The following ASCC3 variants were observed in gnomAD, a reference collection of about 807,000 sequenced individuals.
ASCC3 encodes the protein activating signal cointegrator 1 complex subunit 3.
In ASCC3, 158 loss-of-function variants were observed where a neutral mutation model predicts 256.3. The ratio of observed to expected loss-of-function variants is 0.62; its 90% CI spans 0.54 to 0.70. The LOEUF is 0.70. ASCC3 is among the 30% of genes least tolerant of loss of function. The pLI is 0.00. For missense variants in ASCC3, 2,259 were observed against 2,626.0 expected (o/e 0.86, Z 3.05); for synonymous variants, 948 against 883.4 (o/e 1.07, Z -1.30).
chr6:100,679,020 A>G (rs531918739), intron 14 of ASCC3, among the ~76,000 whole-genome samples: 1 of 152,314 alleles, frequency 6.6e-6, no homozygotes, highest in East Asian at 1.9e-4. Flanking sequence ...CTTAAACTGT[A>G]ATGTATACAA....
At chr6:100,717,154 T>C (rs1779123762) in intron 12 of ASCC3, among the ~76,000 whole-genome samples, 2 of 151,932 alleles carry the variant, frequency 1.3e-5, no homozygotes, top group South Asian at 4.1e-4. Context: ...CTAACATTCA[T>C]GCAATGCAGT....
intron 4 of ASCC3, among the ~76,000 whole-genome samples, chr6:100,816,235 T>C (rs1770739088): frequency 6.6e-6 from 1 of 151,982 alleles, no homozygotes; most frequent in Non-Finnish European, 1.5e-5. Context: ...TCAGAATGGC[T>C]ATTACTAAAA....
At chr6:100,784,863 G>C (rs1227483365) in intron 8 of ASCC3, among the ~76,000 whole-genome samples, 2 of 151,914 alleles carry the variant, frequency 1.3e-5, no homozygotes, top group African/African-American at 4.8e-5. Flanking sequence ...TTGACTTCAT[G>C]TATTAAAACA....
At position 100,864,131 on chromosome 6, in the gene ASCC3, C is replaced by T; in HGVS notation, c.174G>A (p.Leu58=). The T allele has an allele frequency of 6.2e-7, 1 of 1,606,246 alleles. No homozygotes were observed. Residue 58 remains leucine, a synonymous_variant, in exon 3 of 42, where the codon CTG becomes CTA. Coordinates refer to ENST00000369162, the MANE Select transcript of ASCC3 (RefSeq NM_006828.4). ...TTATACTTTGCATTTTACTCTTCTC[C>T]AGTTTTTCATTCAAAAATTTTATTA... is the stretch of plus-strand genomic sequence containing the variant. The part of the protein sequence containing the change: ...KKIIKFLNEK[L]EKSKMQSINE...
intron 20 of ASCC3, among the ~76,000 whole-genome samples, chr6:100,648,661 A>G (rs1775506809): frequency 6.6e-6 from 1 of 151,960 alleles, no homozygotes; most frequent in Non-Finnish European, 1.5e-5. Flanking sequence ...AGAGAATAAT[A>G]AATAAAATTT....
chr6:100,729,646 T>C (rs1401308345), intron 10 of ASCC3, among the ~76,000 whole-genome samples: 1 of 152,194 alleles, frequency 6.6e-6, no homozygotes, highest in Non-Finnish European at 1.5e-5. Flanking sequence ...GTTATACAAG[T>C]CATATTGATA....
At position 100,869,902 on chromosome 6, in the gene ASCC3, G is replaced by A. The variant is rs372964967; in HGVS notation, c.-41-1864C>T. ...GCTTCAAAACAAAAGGTATTAGGAA[G>A]GGATTAAAAAAAACCTCTCTACATA... On this transcript the variant is annotated intron_variant, in intron 1 of 41. Transcript: ENST00000369162. Among the ~76,000 whole-genome samples, 4 of 151,704 alleles carry A rather than the reference G, an allele frequency of 2.6e-5. No homozygotes were observed. In the East Asian group the frequency reaches 5.8e-4, roughly 22 times the overall value.
intron 10 of ASCC3, among the ~76,000 whole-genome samples, chr6:100,736,086 T>G (rs1056943602): frequency 6.6e-6 from 1 of 152,204 alleles, no homozygotes; most frequent in African/African-American, 2.4e-5. Flanking sequence ...ACATGGAACA[T>G]ACTCCAGTAA....
At chr6:100,514,759 A>AT (rs1352440209) in intron 39 of ASCC3, among the ~76,000 whole-genome samples, 2 of 152,160 alleles carry the variant, frequency 1.3e-5, no homozygotes, top group Non-Finnish European at 2.9e-5. Context: ...CAATTATTTA[A>AT]TTAGCAGCCA....
chr6:100,549,405 C>T (rs1330649559), intron 36 of ASCC3, among the ~76,000 whole-genome samples: 2 of 151,970 alleles, frequency 1.3e-5, no homozygotes, highest in Non-Finnish European at 1.5e-5. Flanking sequence ...GAACTATACG[C>T]TGACACATTA....
At chr6:100,563,779 T>G (rs1770079188) in intron 36 of ASCC3, among the ~76,000 whole-genome samples, 1 of 152,148 alleles carries the variant, frequency 6.6e-6, no homozygotes, top group African/African-American at 2.4e-5. Flanking sequence ...TTATGTAAGT[T>G]ATAATACACT....
intron 5 of ASCC3, among the ~76,000 whole-genome samples, chr6:100,804,255 T>A (rs1324827222): frequency 6.6e-6 from 1 of 152,038 alleles, no homozygotes; most frequent in African/African-American, 2.4e-5. Context: ...GGGTAACGGG[T>A]CTAGGAAGAG....
At chr6:100,610,473 C>A (rs1773338352) in intron 30 of ASCC3, among the ~76,000 whole-genome samples, 1 of 151,622 alleles carries the variant, frequency 6.6e-6, no homozygotes, top group South Asian at 2.1e-4. Flanking sequence ...CTGTTTTATA[C>A]TTATAATAAT....
intron 30 of ASCC3, among the ~76,000 whole-genome samples, chr6:100,621,358 C>T (rs952502803): frequency 2.6e-5 from 4 of 151,908 alleles, no homozygotes; most frequent in Non-Finnish European, 4.4e-5. Context: ...ACAGATTTAA[C>T]TTTCAGAGTC....
chr6:100,778,133 G>A (rs551260002), intron 8 of ASCC3, among the ~76,000 whole-genome samples: 3 of 151,432 alleles, frequency 2.0e-5, no homozygotes, highest in South Asian at 4.2e-4. Flanking sequence ...AATCAAAGAT[G>A]ACGTTTTTCT....
chr6:100,842,155 T>G (rs1271127288), intron 4 of ASCC3, among the ~76,000 whole-genome samples: 4 of 152,198 alleles, frequency 2.6e-5, no homozygotes, highest in Non-Finnish European at 4.4e-5. Flanking sequence ...TCAGCAGTAT[T>G]AAGGCTACCA....
At chr6:100,607,155 T>C (rs1326790225) in intron 30 of ASCC3, 67 bp from the exon 31 acceptor site, 11 of 1,520,800 alleles carry the variant, frequency 7.2e-6, no homozygotes, top group African/African-American at 2.8e-5. Context: ...ATTTTTCATG[T>C]TTCAAAAAAC....
chr6:100,648,799 C>T (rs777690916), intron 20 of ASCC3, among the ~76,000 whole-genome samples: 11 of 151,832 alleles, frequency 7.2e-5, no homozygotes, highest in Non-Finnish European at 1.2e-4. Flanking sequence ...CAGTTATCCC[C>T]TCAATGCTAA....
At chr6:100,700,869 CG>C (rs1053900018) in intron 13 of ASCC3, among the ~76,000 whole-genome samples, 1 of 152,150 alleles carries the variant, frequency 6.6e-6, no homozygotes, top group Non-Finnish European at 1.5e-5. Context: ...CATAGGCAGA[CG>C]GGATTTCCCT....
Sources: allele counts gnomAD v4.1 joint callset (sites outside exome capture counted in the v4.1 genomes callset), GRCh38; gene constraint gnomAD v4.1.1; transcripts MANE v1.5; gene names NCBI Gene and HGNC (gene_info 2026-07-23, HGNC 2026-07-21).